ADAM10: variants seen among roughly 807,000 people sequenced by gnomAD.
The protein encoded by ADAM10 is disintegrin and metalloproteinase domain-containing protein 10.
In ADAM10, 17 loss-of-function variants were observed where a neutral mutation model predicts 90.1. The observed-to-expected ratio is 0.19, with a 90% CI of 0.13 to 0.28. The LOEUF (loss-of-function observed/expected upper bound fraction) is 0.28, where lower values mean the gene tolerates loss of function less well. Among genes scored for constraint, ADAM10 ranks in the 10% least tolerant of loss-of-function variants. The pLI, the probability that ADAM10 is intolerant of heterozygous loss-of-function variation, is 1.00. For synonymous variants in ADAM10, 310 were observed against 298.6 expected, an observed-to-expected ratio of 1.04 and a Z score of -0.40; for missense variants, 610 against 914.3, an observed-to-expected ratio of 0.67 and a Z score of 4.29.
At chr15:58,635,859 G>T (rs1302700432) in intron 8 of ADAM10, among the ~76,000 whole-genome samples, 1 of 151,394 alleles carries the variant, frequency 6.6e-6, no homozygotes, top group Non-Finnish European at 1.5e-5. Context: ...GCACTTTTAG[G>T]GTCTGGCTAA....
intron 2 of ADAM10, chr15:58,692,276 CA>C: frequency 1.6e-6 from 1 of 606,602 alleles, no homozygotes. Flanking sequence ...TCTTCCCAGG[CA>C]CTGGTGAGGC....
At position 58,598,108 on chromosome 15, in the gene ADAM10, C is replaced by G. The variant is rs572926544; in HGVS notation, c.2153-467G>C. The stretch of plus-strand genomic sequence containing the variant: ...TTTGAGCAAATGCCTTAACCTGAGA[C>G]TCAGATGCCTACACTGTAAAACAAG... On this transcript the variant is annotated intron_variant, in intron 15 of 15. Transcript: ENST00000260408. Among the ~76,000 whole-genome samples the G allele has an allele frequency of 5.5e-4, 83 of 152,262 alleles. No individual in the cohort carries two copies. In the Middle Eastern group the frequency reaches 0.02, roughly 37 times the overall value.
chr15:58,618,697 G>T (rs542691036), intron 11 of ADAM10, among the ~76,000 whole-genome samples: 1 of 151,974 alleles, frequency 6.6e-6, no homozygotes, highest in East Asian at 1.9e-4. Context: ...GTAGACAAAT[G>T]ACCTAAATAA....
At chr15:58,646,920 G>C (rs1896561130) in intron 5 of ADAM10, among the ~76,000 whole-genome samples, 1 of 152,108 alleles carries the variant, frequency 6.6e-6, no homozygotes, top group Non-Finnish European at 1.5e-5. Context: ...AGCTATATAA[G>C]CTTTCTTTCC....
intron 8 of ADAM10, among the ~76,000 whole-genome samples, chr15:58,635,647 T>C (rs1346140677): frequency 6.6e-6 from 1 of 152,176 alleles, no homozygotes; most frequent in Non-Finnish European, 1.5e-5. Flanking sequence ...ATATAATAAT[T>C]ATTGTACACA....
intron 2 of ADAM10, among the ~76,000 whole-genome samples, chr15:58,694,724 A>T (rs1897927590): frequency 6.6e-6 from 1 of 150,666 alleles, no homozygotes; most frequent in Non-Finnish European, 1.5e-5. Context: ...GTATTCATAT[A>T]ATGGCAAACT....
At chr15:58,668,367 G>A (rs1179401214) in intron 4 of ADAM10, among the ~76,000 whole-genome samples, 9 of 152,082 alleles carry the variant, frequency 5.9e-5, no homozygotes, top group Non-Finnish European at 8.8e-5. Flanking sequence ...CATTATTTAC[G>A]TGTATTTGAC....
chr15:58,697,809 C>T (rs576344540), intron 2 of ADAM10, among the ~76,000 whole-genome samples: 12 of 152,296 alleles, frequency 7.9e-5, no homozygotes, highest in African/African-American at 2.9e-4. Context: ...TGCCCTAAGG[C>T]CCAAGGACAG....
rs113976375 is a variant in ADAM10, at chr15:58,744,872, A to C, written c.55+4608T>G. Among the ~76,000 whole-genome samples the C allele has an allele frequency of 1.8e-3, 272 of 152,188 alleles. 2 individuals are homozygous for C. The highest frequency in any genetic ancestry group is 3.4e-3 in the Non-Finnish European group (234 of 68,010). On this transcript the variant is annotated intron_variant, in intron 1 of 15. Coordinates refer to ENST00000260408, the MANE Select transcript of ADAM10 (RefSeq NM_001110.4). The stretch of plus-strand genomic sequence containing the variant: ...CCAAGACCAACAACAACAACAACAA[A>C]AACACAAAAAATTTACAATTGTATT...
At chr15:58,623,714 C>G (rs1178700735) in intron 10 of ADAM10, among the ~76,000 whole-genome samples, 1 of 152,060 alleles carries the variant, frequency 6.6e-6, no homozygotes, top group Non-Finnish European at 1.5e-5. Context: ...AACACAGGAA[C>G]AGAAAACCAA....
intron 2 of ADAM10, among the ~76,000 whole-genome samples, chr15:58,702,901 T>C (rs1200877512): frequency 6.6e-6 from 1 of 152,170 alleles, no homozygotes; most frequent in African/African-American, 2.4e-5. Context: ...TCACAATCCA[T>C]AAAATAGTAA....
intron 14 of ADAM10, among the ~76,000 whole-genome samples, chr15:58,601,862 T>G (rs1895121088): frequency 6.6e-6 from 1 of 152,240 alleles, no homozygotes; most frequent in Non-Finnish European, 1.5e-5. Context: ...CCTCTGGTGT[T>G]TCTTTGTGAT....
At chr15:58,613,790 A>T (rs1030623018) in intron 11 of ADAM10, among the ~76,000 whole-genome samples, 3 of 152,154 alleles carry the variant, frequency 2.0e-5, no homozygotes. Flanking sequence ...GACTTATGGG[A>T]CACCACCAAG....
chr15:58,621,958 T>C (rs183892618), intron 10 of ADAM10, among the ~76,000 whole-genome samples: 14 of 152,100 alleles, frequency 9.2e-5, no homozygotes, highest in African/African-American at 3.4e-4. Flanking sequence ...ACCAAGTTAG[T>C]GCTTCACTAA....
chr15:58,610,268 T>C, intron 14 of ADAM10, 29 bp downstream of exon 14: 7 of 1,601,100 alleles, frequency 4.4e-6, no homozygotes, highest in Non-Finnish European at 6.0e-6. Flanking sequence ...CCACTTTAAG[T>C]TTTCTTTGTA....
chr15:58,626,041 C>T (rs565118965), intron 10 of ADAM10, among the ~76,000 whole-genome samples: 1 of 152,064 alleles, frequency 6.6e-6, no homozygotes, highest in African/African-American at 2.4e-5. Flanking sequence ...AATGAGGGAT[C>T]CTTGTAATGA....
chr15:58,591,756 ATTTTTT>A lies in ADAM10; in HGVS notation c.*5785_*5790del. 6.6e-6 allele frequency: 1 copy of A among 152,228 alleles called. No homozygotes were observed. 9.4% of individuals were successfully genotyped at this position (152,228 alleles called of 1,614,324 possible). A position where few individuals can be genotyped will look rare whatever the true frequency, so the allele number is the denominator to read the frequency against. Reference sequence around the variant, plus strand: ...AAAAACTTATACATCGTATCATTTCATTTTTTAAGTGTTTCAATTTGCATCTCTAAA... The same window carrying A: ...AAAAACTTATACATCGTATCATTTCAAAGTGTTTCAATTTGCATCTCTAAA... On this transcript the variant is annotated 3_prime_UTR_variant, in exon 16 of 16. Transcript: ENST00000260408.
Position 58,610,326 on chromosome 15 carries a change from G to A in ADAM10, c.1996C>T (p.Leu666Phe), listed in dbSNP as rs1400308005. The A allele has an allele frequency of 6.2e-7, 1 of 1,613,944 alleles. No homozygotes were observed. Among genetic ancestry groups the A allele is most frequent in the Non-Finnish European group, 8.5e-7 (1 of 1,179,972 alleles). Reference protein sequence around the residue: ...RLKKAIFSPELYENIAEWIVA... With the variant: ...RLKKAIFSPEFYENIAEWIVA... Reference sequence around the variant, plus strand: ...ATCCATTCAGCAATGTTTTCATAGAGCTCTGGACTAAAAATTGCTTTTTTA... The same window carrying A: ...ATCCATTCAGCAATGTTTTCATAGAACTCTGGACTAAAAATTGCTTTTTTA... The change falls in exon 14 of 16, where the codon CTC becomes TTC. Residue 666 changes from leucine to phenylalanine, a missense_variant. Physicochemically the swap from Leu to Phe is conservative, Grantham distance 22 (BLOSUM62 0). Coordinates refer to ENST00000260408, the MANE Select transcript of ADAM10 (RefSeq NM_001110.4).
intron 1 of ADAM10, among the ~76,000 whole-genome samples, chr15:58,720,213 T>C (rs1306216424): frequency 1.3e-5 from 2 of 152,024 alleles, no homozygotes; most frequent in South Asian, 2.1e-4. Context: ...AAAAGGACAA[T>C]TCAACTTAAA....
Sources: allele counts gnomAD v4.1 joint callset (sites outside exome capture counted in the v4.1 genomes callset), GRCh38; gene constraint gnomAD v4.1.1; transcripts MANE v1.5; gene names NCBI Gene and HGNC (gene_info 2026-07-23, HGNC 2026-07-21).